The following NBPF10 variants were observed in gnomAD, a reference collection of about 807,000 sequenced individuals.
NBPF10 encodes the protein NBPF member 10.
A neutral mutation model predicts 77.9 loss-of-function variants in NBPF10; 63 were observed. The observed-to-expected ratio is 0.81, with a 90% CI of 0.66 to 1.00. The LOEUF is 1.00. Ranked by LOEUF, NBPF10 falls within the 50% of genes least tolerant of loss-of-function variation. NBPF10 has a pLI of 0.00. For missense variants in NBPF10, 522 were observed against 679.8 expected, an observed-to-expected ratio of 0.77 and a Z score of 2.58; for synonymous variants, 146 against 264.5, an observed-to-expected ratio of 0.55 and a Z score of 4.35.
intron 5 of NBPF10, among the ~76,000 whole-genome samples, chr1:146,138,920 G>A (rs587634514): frequency 7.0e-6 from 1 of 142,146 alleles, no homozygotes; most frequent in Non-Finnish European, 1.6e-5. Context: ...AAGCATCTGG[G>A]ATTACAAGCG....
intron 13 of NBPF10, 33 bp from the exon 14 acceptor site, chr1:146,126,441 A>C (rs1658674095): frequency 1.1e-6 from 1 of 907,146 alleles, no homozygotes; most frequent in Non-Finnish European, 1.8e-6. Flanking sequence ...AGAATAAGCC[A>C]GGGGGAATCA....
intron 11 of NBPF10, among the ~76,000 whole-genome samples, chr1:146,129,723 A>G (rs1659093018): frequency 1.5e-5 from 1 of 64,854 alleles, no homozygotes; most frequent in East Asian, 3.0e-4. Context: ...GAAGGAAAAA[A>G]TGCTAAGGGC....
At chr1:146,138,769 AT>A (rs1360699654) in intron 5 of NBPF10, among the ~76,000 whole-genome samples, 1 of 125,952 alleles carries the variant, frequency 7.9e-6, no homozygotes. Context: ...TGCTTTTTTA[AT>A]TTTTTTCTTT....
intron 89 of NBPF10, among the ~76,000 whole-genome samples, 158 bp from the exon 90 acceptor site, chr1:146,066,719 T>C (rs797038545): frequency 6.7e-6 from 1 of 148,468 alleles, no homozygotes; most frequent in Admixed American, 6.8e-5. Flanking sequence ...TATGTTGGGA[T>C]AGAACAGGGC....
intron 19 of NBPF10, among the ~76,000 whole-genome samples, chr1:146,121,888 G>C (rs1246786120): frequency 1.3e-4 from 20 of 149,854 alleles, no homozygotes; most frequent in African/African-American, 4.3e-4. Flanking sequence ...GACAGAGACA[G>C]AGACAGAGAG....
chr1:146,142,819 G>A (rs1660440527), intron 1 of NBPF10, 67 bp from the exon 2 acceptor site: 2 of 851,416 alleles, frequency 2.3e-6, no homozygotes, highest in Admixed American at 4.0e-5. Context: ...ACTGCCTACA[G>A]GGCAGGAGCC....
In NBPF10 at chr1:146,126,229, T is replaced by C. The variant is rs781825806; in HGVS notation, c.2026+7A>G. ...GATCCTTATCACCTTCATAGAAAGG[T>C]ACTCACCATCCATGTCAATAGCCAA... On this transcript the variant is annotated splice_region_variant and intron_variant, in intron 14 of 89. Transcript: ENST00000583866. 2.9e-5 allele frequency: 46 copies of C among 1,591,062 alleles called. 3 individuals carry two copies. In the East Asian group the frequency reaches 1.0e-3, roughly 35 times the overall value.
chr1:146,140,279 T>C (rs1553796888), intron 4 of NBPF10, among the ~76,000 whole-genome samples: 8 of 127,064 alleles, frequency 6.3e-5, no homozygotes, highest in Non-Finnish European at 1.5e-4. Context: ...GACTCAGCTA[T>C]CCCTGCATGG....
At chr1:146,126,186 T>C (rs1337964227) in intron 14 of NBPF10, 50 bp downstream of exon 14, 3 of 1,013,198 alleles carry the variant, frequency 3.0e-6, no homozygotes, top group Admixed American at 1.7e-5. Flanking sequence ...AATATGACCC[T>C]AACCAGAAGA....
intron 2 of NBPF10, among the ~76,000 whole-genome samples, chr1:146,142,222 G>GA (rs1163208885): frequency 1.8e-5 from 2 of 112,920 alleles, no homozygotes. Context: ...GGGGCGAATT[G>GA]AAAAGATGAA....
exon 90 of NBPF10, chr1:146,066,553 C>T (rs782095200): frequency 4.6e-5 from 32 of 694,182 alleles, no homozygotes; most frequent in Non-Finnish European, 6.9e-5. Context: ...CATCAGCACG[C>T]CGTTGAGCCT....
chr1:146,142,706 C>T lies in NBPF10; in HGVS notation c.222G>A (p.Glu74=), dbSNP rs587690752. 4.9e-4 allele frequency: 672 copies of T among 1,362,074 alleles called. 65 individuals carry two copies. The African/African-American group carries it at 8.3e-3, about 17-fold the overall frequency. 84.4% of individuals were successfully genotyped at this position (1,362,074 alleles called of 1,614,324 possible). Residue 74 remains glutamate, a synonymous_variant, in exon 2 of 90, where the codon GAG becomes GAA. Transcript: ENST00000583866. ...CAAGCTTCTCCTCCTTGAACTGTCGCTCATTCCTCAGCATAAATTTTATGA... is the reference window on the plus strand; with the variant it reads ...CAAGCTTCTCCTCCTTGAACTGTCGTTCATTCCTCAGCATAAATTTTATGA...
rs1318793576 is a variant in NBPF10, at chr1:146,125,627, G to A, written c.2027-111C>T. 1.7e-5 allele frequency: 9 copies of A among 523,172 alleles called. No individual in the cohort carries two copies. The Admixed American group carries it at 2.4e-4, about 14-fold the overall frequency. The allele number at this position is 523,172 out of a possible 1,614,324, so 32.4% of individuals were successfully genotyped here. A position where few individuals can be genotyped will look rare whatever the true frequency, so the allele number is the denominator to read the frequency against. ...CTTCAGGCTCCTCAGCATGAGAATA[G>A]GACACTGTGAGAGATATTCTTCAGG... On this transcript the variant is annotated intron_variant, in intron 14 of 89. Transcript: ENST00000583866.
intron 89 of NBPF10, among the ~76,000 whole-genome samples, chr1:146,066,907 C>A (rs1655133786): frequency 6.8e-6 from 1 of 146,544 alleles, no homozygotes; most frequent in Non-Finnish European, 1.5e-5. Flanking sequence ...AGAGTGAGCT[C>A]AATAGTTTTC....
At chr1:146,067,613 T>A (rs587751525) in intron 88 of NBPF10, among the ~76,000 whole-genome samples, 79 of 150,554 alleles carry the variant, frequency 5.2e-4, no homozygotes, top group Admixed American at 4.7e-3. Context: ...AAAACTGCAA[T>A]ATTTAGCCCT....
chr1:146,126,526 A>C (rs1658689378), intron 13 of NBPF10, 118 bp from the exon 14 acceptor site: 1 of 714,148 alleles, frequency 1.4e-6, no homozygotes, highest in African/African-American at 1.8e-5. Flanking sequence ...CAGATCCATT[A>C]ATGAGGTAAC....
chr1:146,142,810 C>T lies in NBPF10; in HGVS notation c.176-58G>A, dbSNP rs7364664. The T allele has an allele frequency of 4.5e-5, 46 of 1,031,838 alleles. 8 individuals carry two copies. Among genetic ancestry groups the T allele is most frequent in the East Asian group, 2.1e-4 (7 of 33,682 alleles). 63.9% of individuals were successfully genotyped at this position (1,031,838 alleles called of 1,614,324 possible). ...AAGGCTGGACATGCTGCTGTGGTCA[C>T]TGCCTACAGGGCAGGAGCCAGGTCC... On this transcript the variant is annotated intron_variant, in intron 1 of 89. Transcript: ENST00000583866.
At position 146,125,878 on chromosome 1, in the gene NBPF10, T is replaced by C. The variant is rs587621216; in HGVS notation, c.2026+358A>G. Among the ~76,000 whole-genome samples the C allele has an allele frequency of 1.3e-4, 19 of 151,344 alleles. 1 individual carries two copies. In the East Asian group the frequency reaches 1.6e-3, roughly 12 times the overall value. Reference sequence around the variant, plus strand: ...TCTCATCAAATACTCAGATTGTTCATGGTAGCGAGGATTTTAGACGCTGAA... The same window carrying C: ...TCTCATCAAATACTCAGATTGTTCACGGTAGCGAGGATTTTAGACGCTGAA... On this transcript the variant is annotated intron_variant, in intron 14 of 89. Coordinates refer to ENST00000583866, the Ensembl canonical transcript of NBPF10.
chr1:146,066,398 A>G (rs782474118), exon 90 of NBPF10: 8 of 871,218 alleles, frequency 9.2e-6, no homozygotes, highest in East Asian at 2.7e-5. Flanking sequence ...TTGTCCACGT[A>G]AAGGGCGAAG....
Sources: gnomAD v4.1 joint callset for allele counts (sites outside exome capture counted in the v4.1 genomes callset) on GRCh38, gnomAD v4.1.1 for gene constraint, MANE v1.5 for transcripts, NCBI Gene and HGNC (gene_info 2026-07-23, HGNC 2026-07-21) for gene names.